Variants in DTNA observed in about 807,000 individuals in gnomAD.
DTNA encodes the protein dystrophin-related protein 3.
Under a neutral mutation model 100.7 loss-of-function variants are expected in DTNA, and 43 were observed. That is an observed-to-expected ratio of 0.43 (90% CI 0.33 to 0.55). The LOEUF (loss-of-function observed/expected upper bound fraction) is 0.55, where lower values mean the gene tolerates loss of function less well. DTNA is among the 20% of genes least tolerant of loss of function. The pLI is 0.04. For synonymous variants in DTNA, 349 were observed against 347.9 expected, an observed-to-expected ratio of 1.00 and a Z score of -0.04; for missense variants, 798 against 953.9, an observed-to-expected ratio of 0.84 and a Z score of 2.15.
chr18:34,799,908 C>T (rs531932264), intron 4 of DTNA, among the ~76,000 whole-genome samples: 3 of 152,138 alleles, frequency 2.0e-5, no homozygotes, highest in Non-Finnish European at 4.4e-5. Flanking sequence ...TCACCTGCCC[C>T]GGCGCTATAA....
At chr18:34,854,406 A>G (rs2096528289) in intron 15 of DTNA, among the ~76,000 whole-genome samples, 1 of 152,198 alleles carries the variant, frequency 6.6e-6, no homozygotes. Flanking sequence ...CCAATAATAT[A>G]TGGTGGAAAG....
At chr18:34,499,092 A>C (rs2039609377) in intron 1 of DTNA, among the ~76,000 whole-genome samples, 1 of 152,156 alleles carries the variant, frequency 6.6e-6, no homozygotes, top group Non-Finnish European at 1.5e-5. Context: ...CAGAAGGATA[A>C]TTCCTATTGC....
rs184890946 is a variant in DTNA at position 34,772,510 on chromosome 18, C to T, written c.148+6469C>T. On this transcript the variant is annotated intron_variant, in intron 3 of 22. Transcript: ENST00000444659. ...TATTCTATGAATGAACGAATATGCT[C>T]CACTAGATTCATTTCTCACCAGTCA... Among the ~76,000 whole-genome samples the T allele has an allele frequency of 2.6e-4, 39 of 152,260 alleles. 1 individual carries two copies. The East Asian group carries it at 6.2e-3, about 24-fold the overall frequency.
At chr18:34,637,576 C>G (rs1206509791) in intron 1 of DTNA, among the ~76,000 whole-genome samples, 2 of 152,308 alleles carry the variant, frequency 1.3e-5, no homozygotes, top group East Asian at 3.9e-4. Flanking sequence ...AGTCCCCACT[C>G]CACAAAGCAC....
chr18:34,619,750 A>G (rs2056083114), intron 1 of DTNA, among the ~76,000 whole-genome samples: 1 of 152,210 alleles, frequency 6.6e-6, no homozygotes, highest in Non-Finnish European at 1.5e-5. Context: ...TAAAATATCC[A>G]GTAGTCATTA....
intron 1 of DTNA, among the ~76,000 whole-genome samples, chr18:34,668,010 C>T (rs971583166): frequency 4.4e-4 from 67 of 152,306 alleles, no homozygotes; most frequent in Non-Finnish European, 8.4e-4. Flanking sequence ...GTACCAGCTC[C>T]TCCTTGTACC....
rs760979300 is a variant in DTNA at position 34,766,060 on chromosome 18, TG to T, written c.148+21del. 6.2e-7 allele frequency: 1 copy of T among 1,612,328 alleles called. No individual in the cohort carries two copies. The highest frequency in any genetic ancestry group is 1.7e-5 in the Admixed American group (1 of 59,968). The stretch of plus-strand genomic sequence containing the variant: ...TGCAATTGTAAGTATGCCAGTTGTT[TG>T]GACTAATTACCATCATGAATCCTAT... On this transcript the variant is annotated intron_variant, in intron 3 of 22. Coordinates refer to ENST00000444659, the MANE Select transcript of DTNA (RefSeq NM_001386795.1).
At chr18:34,779,900 C>T (rs1420414689) in intron 3 of DTNA, among the ~76,000 whole-genome samples, 2 of 152,106 alleles carry the variant, frequency 1.3e-5, no homozygotes, top group East Asian at 1.9e-4. Context: ...TACAATCCAA[C>T]GAATGTGTTC....
chr18:34,887,873 G>A lies in DTNA; in HGVS notation c.*139G>A, dbSNP rs1295137374. 5 of 986,578 alleles carry A rather than the reference G, an allele frequency of 5.1e-6. No individual in the cohort carries two copies. The highest frequency in any genetic ancestry group is 9.4e-5 in the South Asian group (2 of 21,320). The allele number at this position is 986,578 out of a possible 1,614,324, so 61.1% of individuals were successfully genotyped here. A position where few individuals can be genotyped will look rare whatever the true frequency, so the allele number is the denominator to read the frequency against. Reference sequence around the variant, plus strand: ...ACAGCAGCCTGGCAGCAGCCTCACCGAAGAGAGGAACCACCACACCCAGCA... The same window carrying A: ...ACAGCAGCCTGGCAGCAGCCTCACCAAAGAGAGGAACCACCACACCCAGCA... On this transcript the variant is annotated 3_prime_UTR_variant, in exon 23 of 23. Coordinates refer to ENST00000444659, the MANE Select transcript of DTNA (RefSeq NM_001386795.1).
At chr18:34,694,861 T>C (rs1190111661) in intron 1 of DTNA, among the ~76,000 whole-genome samples, 2 of 152,174 alleles carry the variant, frequency 1.3e-5, no homozygotes, top group East Asian at 3.9e-4. Flanking sequence ...ATTCTTCCCA[T>C]TCAGCCACAG....
At position 34,721,395 on chromosome 18, in the gene DTNA, G is replaced by A. The variant is rs144923810; in HGVS notation, c.-2+10950G>A. On this transcript the variant is annotated intron_variant, in intron 1 of 22. Transcript: ENST00000444659. The stretch of plus-strand genomic sequence containing the variant: ...TTAACTGCTTGATTATTGTCTCTTT[G>A]TACTCCTCCAGAGCAATCATTCTGA... Among the ~76,000 whole-genome samples the A allele has an allele frequency of 9.2e-5, 14 of 152,098 alleles. No homozygotes were observed. The East Asian group carries it at 2.7e-3, about 29-fold the overall frequency.
intron 15 of DTNA, among the ~76,000 whole-genome samples, chr18:34,856,755 A>G (rs2096557083): frequency 2.0e-5 from 3 of 152,264 alleles, no homozygotes; most frequent in Admixed American, 2.0e-4. Context: ...GAAATAAAAT[A>G]ACATTAAAGA....
chr18:34,813,982 G>A (rs544747475), intron 6 of DTNA, among the ~76,000 whole-genome samples: 1 of 151,960 alleles, frequency 6.6e-6, no homozygotes, highest in African/African-American at 2.4e-5. Flanking sequence ...GCCTCACAAA[G>A]TGAATTATCT....
At chr18:34,836,992 G>T (rs998241146) in intron 11 of DTNA, among the ~76,000 whole-genome samples, 1 of 152,036 alleles carries the variant, frequency 6.6e-6, no homozygotes, top group Admixed American at 6.5e-5. Context: ...CCTAAAACTT[G>T]TAGTACAAAG....
chr18:34,572,733 C>T (rs928838492), intron 1 of DTNA, among the ~76,000 whole-genome samples: 2 of 152,150 alleles, frequency 1.3e-5, no homozygotes, highest in South Asian at 2.1e-4. Context: ...GGTTCTCCCC[C>T]ACTTCCATCT....
At chr18:34,690,608 A>G (rs573718853) in intron 1 of DTNA, among the ~76,000 whole-genome samples, 1 of 152,206 alleles carries the variant, frequency 6.6e-6, no homozygotes, top group African/African-American at 2.4e-5. Flanking sequence ...GAGATTTTAA[A>G]TAACTTGTTC....
chr18:34,765,574 T>C (rs2148472058), intron 2 of DTNA, among the ~76,000 whole-genome samples: 1 of 152,350 alleles, frequency 6.6e-6, no homozygotes, highest in Admixed American at 6.5e-5. Context: ...AACAGCCACA[T>C]TCTAATGACC....
chr18:34,628,351 A>C (rs1026500595), intron 1 of DTNA, among the ~76,000 whole-genome samples: 1 of 152,242 alleles, frequency 6.6e-6, no homozygotes, highest in Non-Finnish European at 1.5e-5. Context: ...TTGGTAAAGG[A>C]TTCACATATT....
intron 2 of DTNA, among the ~76,000 whole-genome samples, chr18:34,761,126 TCACACACACACACACACA>T (rs6146260): frequency 1.3e-5 from 2 of 149,264 alleles, no homozygotes; most frequent in African/African-American, 2.5e-5. Flanking sequence ...CCTCCATCCT[TCACACACACACACACACA>T]CACACACACA....
Sources: gnomAD v4.1 joint callset for allele counts (sites outside exome capture counted in the v4.1 genomes callset) on GRCh38, gnomAD v4.1.1 for gene constraint, MANE v1.5 for transcripts, NCBI Gene and HGNC (gene_info 2026-07-23, HGNC 2026-07-21) for gene names.